Variants in MFSD2A observed in about 807,000 individuals in gnomAD.
MFSD2A encodes MFSD2 lysolipid transporter A, lysophospholipid.
A neutral mutation model predicts 64.7 loss-of-function variants in MFSD2A; 27 were observed. The ratio of observed to expected loss-of-function variants is 0.42; its 90% confidence interval spans 0.31 to 0.58. MFSD2A has a LOEUF of 0.58. Among genes scored for constraint, MFSD2A ranks in the 20% least tolerant of loss-of-function variants. The pLI, the probability that MFSD2A is intolerant of heterozygous loss-of-function variation, is 0.18. For synonymous variants in MFSD2A, 258 were observed against 273.4 expected, an observed-to-expected ratio of 0.94 and a Z score of 0.55; for missense variants, 474 against 679.5, an observed-to-expected ratio of 0.70 and a Z score of 3.36.
At position 39,965,707 on chromosome 1, in the gene MFSD2A, G is replaced by A. The variant is rs1645145972; in HGVS notation, c.557-150G>A. The A allele has an allele frequency of 8.5e-7, 1 of 1,178,942 alleles. No homozygotes were observed. The highest frequency in any genetic ancestry group is 1.2e-6 in the Non-Finnish European group (1 of 817,894). 73.0% of individuals were successfully genotyped at this position (1,178,942 alleles called of 1,614,324 possible). On this transcript the variant is annotated intron_variant, in intron 5 of 13. Coordinates refer to ENST00000372811, the MANE Select transcript of MFSD2A (RefSeq NM_032793.5). This position sits in a 1 kb window ranked among gnomAD's most constrained non-coding sequence, Gnocchi z 5.5. ...TATTGCTCAGATGAGACCTGGAGAG[G>A]TGCATATGCGTTCAAACCAAGGTGT... is the stretch of plus-strand genomic sequence containing the variant.
chr1:39,961,158 G>T (rs1018822146), intron 3 of MFSD2A, among the ~76,000 whole-genome samples: 2 of 151,874 alleles, frequency 1.3e-5, no homozygotes, highest in Admixed American at 1.3e-4. Context: ...CTCAGGCCAG[G>T]CCTGGAGACC....
rs984786043 is a variant in MFSD2A, at chr1:39,960,846, G to T, written c.353+2021G>T. On this transcript the variant is annotated intron_variant, in intron 3 of 13. Coordinates refer to ENST00000372811, the MANE Select transcript of MFSD2A (RefSeq NM_032793.5). This position sits in a 1 kb window ranked among gnomAD's most constrained non-coding sequence, Gnocchi z 4.8. ...AGCCAGTTTGGGGAAGTTGCTGGGG[G>T]CCCTTCAGGCTGGTTTCTGATCTAG... is the stretch of plus-strand genomic sequence containing the variant. Among the ~76,000 whole-genome samples, 1 of 152,208 alleles carries T rather than the reference G, an allele frequency of 6.6e-6. No homozygotes were observed. Among genetic ancestry groups the T allele is most frequent in the Non-Finnish European group, 1.5e-5 (1 of 68,036 alleles).
rs530406481 is a variant in MFSD2A, at chr1:39,955,838, A to C, written c.93+453A>C. ...GCTCAAGTTCATTCATAAGAACAAG[A>C]GCTCTGCTCTTAAAGGAGCCGCGTC... On this transcript the variant is annotated intron_variant, in intron 1 of 13. Coordinates refer to ENST00000372811, the MANE Select transcript of MFSD2A (RefSeq NM_032793.5). This position sits in a 1 kb window ranked among gnomAD's most constrained non-coding sequence, Gnocchi z 5.9. 231 of 310,364 alleles carry C rather than the reference A, an allele frequency of 7.4e-4. 6 individuals are homozygous for C. Among genetic ancestry groups the C allele is most frequent in the South Asian group, 5.3e-3 (220 of 41,126 alleles). 19.2% of individuals were successfully genotyped at this position (310,364 alleles called of 1,614,324 possible). A position where few individuals can be genotyped will look rare whatever the true frequency, so the allele number is the denominator to read the frequency against.
chr1:39,967,758 G>C, intron 10 of MFSD2A, 46 bp from the exon 11 acceptor site: 2 of 1,606,818 alleles, frequency 1.2e-6, no homozygotes, highest in Non-Finnish European at 8.5e-7. Flanking sequence ...GGGATGTCTG[G>C]TGGGAACCTC....
rs537293426 is a variant in MFSD2A at position 39,958,600 on chromosome 1, T to A, written c.229-101T>A. 1.9e-6 allele frequency: 3 copies of A among 1,594,888 alleles called. No individual in the cohort carries two copies. The South Asian group carries it at 3.3e-5, about 18-fold the overall frequency. ...GTGGGAGCAGCTCAGGGTCACAAGA[T>A]CCTGGCTGAGATAGGGAGGGAGCCT... On this transcript the variant is annotated intron_variant, in intron 2 of 13. Transcript: ENST00000372811. This position sits in a 1 kb window ranked among gnomAD's most constrained non-coding sequence, Gnocchi z 4.7.
chr1:39,967,738 G>C, intron 10 of MFSD2A, 27 bp downstream of exon 10: 1 of 1,612,400 alleles, frequency 6.2e-7, no homozygotes, highest in Non-Finnish European at 8.5e-7. Flanking sequence ...AGCAGAGCCT[G>C]GGTTGAGTTG....
chr1:39,968,486 G>A lies in MFSD2A; in HGVS notation c.1352+9G>A. The A allele has an allele frequency of 6.2e-7, 1 of 1,614,170 alleles. No homozygotes were observed. Among genetic ancestry groups the A allele is most frequent in the Non-Finnish European group, 8.5e-7 (1 of 1,180,010 alleles). On this transcript the variant is annotated intron_variant, in intron 12 of 13. Transcript: ENST00000372811. The surrounding 1 kb of genome is among the most constrained non-coding windows in gnomAD (Gnocchi z 4.4). ...TCTACCCTCAGTCTGGAGTGAGTGG[G>A]GTGGGGACCTGGGGCAGGACTGGGC...
In MFSD2A at chr1:39,958,595, C is replaced by T. The variant is rs1391852899; in HGVS notation, c.229-106C>T. 3 of 1,587,576 alleles carry T rather than the reference C, an allele frequency of 1.9e-6. No individual in the cohort carries two copies. The highest frequency in any genetic ancestry group is 2.6e-6 in the Non-Finnish European group (3 of 1,157,042). On this transcript the variant is annotated intron_variant, in intron 2 of 13. Coordinates refer to ENST00000372811, the MANE Select transcript of MFSD2A (RefSeq NM_032793.5). This position sits in a 1 kb window ranked among gnomAD's most constrained non-coding sequence, Gnocchi z 4.7. ...TCCATGTGGGAGCAGCTCAGGGTCA[C>T]AAGATCCTGGCTGAGATAGGGAGGG...
At chr1:39,962,646 CG>C in intron 3 of MFSD2A, 2 of 842,132 alleles carry the variant, frequency 2.4e-6, no homozygotes, top group Non-Finnish European at 3.9e-6. Context: ...CAGTGGCATC[CG>C]GGGCCGGGGT....
Position 39,958,930 on chromosome 1 carries a change from G to A in MFSD2A, c.353+105G>A, listed in dbSNP as rs1644980474. Reference sequence around the variant, plus strand: ...GTCACAGGCAGAAGGGTGAGGAGAAGGAAGGAGTTAAAAGCCCAAGGGTGT... The same window carrying A: ...GTCACAGGCAGAAGGGTGAGGAGAAAGAAGGAGTTAAAAGCCCAAGGGTGT... On this transcript the variant is annotated intron_variant, in intron 3 of 13. Transcript: ENST00000372811. This position sits in a 1 kb window ranked among gnomAD's most constrained non-coding sequence, Gnocchi z 4.7. 2 of 1,385,216 alleles carry A rather than the reference G, an allele frequency of 1.4e-6. No individual in the cohort carries two copies. The highest frequency in any genetic ancestry group is 2.3e-5 in the Admixed American group (1 of 43,488). 85.8% of individuals were successfully genotyped at this position (1,385,216 alleles called of 1,614,324 possible).
rs1645003380 is a variant in MFSD2A at position 39,960,144 on chromosome 1, C to T, written c.353+1319C>T. 6.6e-6 allele frequency among the ~76,000 whole-genome samples: 1 copy of T among 152,230 alleles called. No homozygotes were observed. Among genetic ancestry groups the T allele is most frequent in the Non-Finnish European group, 1.5e-5 (1 of 68,028 alleles). The stretch of plus-strand genomic sequence containing the variant: ...GGCAAAGTAGGCGGAGGTGGTGCCA[C>T]GGATCGGATCAGACGGCAGGGGAGA... On this transcript the variant is annotated intron_variant, in intron 3 of 13. Coordinates refer to ENST00000372811, the MANE Select transcript of MFSD2A (RefSeq NM_032793.5). The surrounding 1 kb of genome is among the most constrained non-coding windows in gnomAD (Gnocchi z 4.8).
rs1434966563 is a variant in MFSD2A at position 39,958,660 on chromosome 1, A to G, written c.229-41A>G. The G allele has an allele frequency of 3.1e-6, 5 of 1,614,020 alleles. No individual in the cohort carries two copies. The East Asian group carries it at 1.1e-4, about 36-fold the overall frequency. ...CCTACCAGTGAGAGTTGAGGCGAGT[A>G]GAAGGATGAGGAAGTTGTCTTTTGC... On this transcript the variant is annotated intron_variant, in intron 2 of 13. Coordinates refer to ENST00000372811, the MANE Select transcript of MFSD2A (RefSeq NM_032793.5). The surrounding 1 kb of genome is among the most constrained non-coding windows in gnomAD (Gnocchi z 4.7).
chr1:39,962,267 T>C (rs1645060384), intron 3 of MFSD2A, among the ~76,000 whole-genome samples: 1 of 152,152 alleles, frequency 6.6e-6, no homozygotes, highest in Non-Finnish European at 1.5e-5. Context: ...CTTTGCCCGG[T>C]CCACTCTTGC....
rs1208604579 is a variant in MFSD2A at position 39,960,406 on chromosome 1, G to A, written c.353+1581G>A. On this transcript the variant is annotated intron_variant, in intron 3 of 13. Transcript: ENST00000372811. This position sits in a 1 kb window ranked among gnomAD's most constrained non-coding sequence, Gnocchi z 4.8. ...ACCCACCCCAATCCTGCCAGCCCCT[G>A]GCTAAGGCCCAGGTTGGAGCCTTTG... 6.6e-6 allele frequency among the ~76,000 whole-genome samples: 1 copy of A among 151,668 alleles called. No individual in the cohort carries two copies. Among genetic ancestry groups the A allele is most frequent in the Non-Finnish European group, 1.5e-5 (1 of 67,956 alleles).
chr1:39,965,454 C>G lies in MFSD2A; in HGVS notation c.478-17C>G. On this transcript the variant is annotated splice_polypyrimidine_tract_variant and intron_variant, in intron 4 of 13. Coordinates refer to ENST00000372811, the MANE Select transcript of MFSD2A (RefSeq NM_032793.5). This position sits in a 1 kb window ranked among gnomAD's most constrained non-coding sequence, Gnocchi z 5.5. Reference sequence around the variant, plus strand: ...GTCCACCCGCCTGACCAGCCAATGACCTGTCTTCTATGCCAGTGTTTCCAT... The same window carrying G: ...GTCCACCCGCCTGACCAGCCAATGAGCTGTCTTCTATGCCAGTGTTTCCAT... 6.2e-7 allele frequency: 1 copy of G among 1,614,020 alleles called. No individual in the cohort carries two copies.
At position 39,963,241 on chromosome 1, in the gene MFSD2A, C is replaced by T. The variant is rs1645084455; in HGVS notation, c.354-1970C>T. 1 of 1,561,102 alleles carries T rather than the reference C, an allele frequency of 6.4e-7. No individual in the cohort carries two copies. The highest frequency in any genetic ancestry group is 1.1e-5 in the South Asian group (1 of 90,036). ...ACCTCAGCCCGGGGCTGCACTGCCA[C>T]CCTGGGCAGCTTTGCCAAGGGCACC... is the stretch of plus-strand genomic sequence containing the variant. On this transcript the variant is annotated intron_variant, in intron 3 of 13. Coordinates refer to ENST00000372811, the MANE Select transcript of MFSD2A (RefSeq NM_032793.5). This position sits in a 1 kb window ranked among gnomAD's most constrained non-coding sequence, Gnocchi z 4.2.
intron 6 of MFSD2A, 117 bp downstream of exon 6, chr1:39,966,131 A>G: frequency 8.1e-7 from 1 of 1,227,646 alleles, no homozygotes; most frequent in East Asian, 2.5e-5. Context: ...CATTTGATAT[A>G]CATAACAATT....
chr1:39,955,292 C>A lies in MFSD2A; in HGVS notation c.-1C>A. On this transcript the variant is annotated 5_prime_UTR_variant, in exon 1 of 14. Transcript: ENST00000372811. This position sits in a 1 kb window ranked among gnomAD's most constrained non-coding sequence, Gnocchi z 5.9. ...GTCCCAAGCGGCGTGGCCCGCGGGT[C>A]ATGGCCAAAGGAGAAGGCGCCGAGA... is the stretch of plus-strand genomic sequence containing the variant. 1 of 1,421,838 alleles carries A rather than the reference C, an allele frequency of 7.0e-7. No homozygotes were observed. Among genetic ancestry groups the A allele is most frequent in the Admixed American group, 2.8e-5 (1 of 35,586 alleles). 88.1% of individuals were successfully genotyped at this position (1,421,838 alleles called of 1,614,324 possible).
intron 6 of MFSD2A, 94 bp from the exon 7 acceptor site, chr1:39,966,507 C>CTGGCCCAAGATCAT (rs1553155664): frequency 1.0e-6 from 1 of 1,001,358 alleles, no homozygotes. Context: ...GGGGAGGGGA[C>CTGGCCCAAGATCAT]TGGCCCAAGA....
Sources: allele counts gnomAD v4.1 joint callset (sites outside exome capture counted in the v4.1 genomes callset), GRCh38; gene constraint gnomAD v4.1.1; non-coding constraint Gnocchi (gnomAD v3.1); transcripts MANE v1.5; gene names NCBI Gene and HGNC (gene_info 2026-07-23, HGNC 2026-07-21).